ARHGAP39: variants seen among roughly 807,000 people sequenced by gnomAD.
ARHGAP39 encodes rho GTPase-activating protein 39.
In ARHGAP39, 44 loss-of-function variants were observed where a neutral mutation model predicts 106.9. That is an observed-to-expected ratio of 0.41 (90% CI 0.32 to 0.53). The LOEUF (loss-of-function observed/expected upper bound fraction) is 0.53, where lower values mean the gene tolerates loss of function less well. ARHGAP39 is among the 20% of genes least tolerant of loss of function. The pLI is 0.21. For missense variants in ARHGAP39, 1,496 were observed against 1,577.3 expected (o/e 0.95, Z 0.87); for synonymous variants, 768 against 693.2 (o/e 1.11, Z -1.69).
intron 1 of ARHGAP39, among the ~76,000 whole-genome samples, chr8:144,606,900 T>C (rs904267713): frequency 3.3e-5 from 5 of 151,794 alleles, no homozygotes; most frequent in Non-Finnish European, 7.4e-5. Flanking sequence ...CACAAATATC[T>C]TAATTGGACA....
At chr8:144,668,005 A>G (rs533624283) in intron 1 of ARHGAP39, among the ~76,000 whole-genome samples, 9 of 150,760 alleles carry the variant, frequency 6.0e-5, no homozygotes, top group African/African-American at 2.0e-4. Flanking sequence ...TGCTTCATGG[A>G]ATTGTGTTCA....
At chr8:144,542,464 G>A (rs972432794) in intron 6 of ARHGAP39, among the ~76,000 whole-genome samples, 10 of 152,150 alleles carry the variant, frequency 6.6e-5, no homozygotes, top group African/African-American at 2.2e-4. Flanking sequence ...TCCTCACCGA[G>A]GGTCCCTAGG....
At chr8:144,592,883 C>T (rs188459155) in intron 2 of ARHGAP39, among the ~76,000 whole-genome samples, 100 of 152,248 alleles carry the variant, frequency 6.6e-4, no homozygotes, top group African/African-American at 2.1e-3. Flanking sequence ...CTGCACAGGG[C>T]GAGGTGGGGA....
At chr8:144,631,935 G>A (rs1364133809) in intron 1 of ARHGAP39, among the ~76,000 whole-genome samples, 1 of 152,162 alleles carries the variant, frequency 6.6e-6, no homozygotes, top group African/African-American at 2.4e-5. Context: ...CTGGGCCTCC[G>A]TATCTCAGCT....
chr8:144,550,162 T>C (rs1193077727), intron 4 of ARHGAP39, among the ~76,000 whole-genome samples: 2 of 152,030 alleles, frequency 1.3e-5, no homozygotes, highest in Non-Finnish European at 2.9e-5. Flanking sequence ...TAGTCCCAGC[T>C]ACTCAGGAAG....
At chr8:144,682,971 C>T (rs769607591) in intron 1 of ARHGAP39, among the ~76,000 whole-genome samples, 9 of 150,740 alleles carry the variant, frequency 6.0e-5, no homozygotes, top group Non-Finnish European at 8.9e-5. Flanking sequence ...GAGCCATGAT[C>T]GCACCACTGC....
At chr8:144,636,831 T>C (rs749790673) in intron 1 of ARHGAP39, among the ~76,000 whole-genome samples, 11 of 152,198 alleles carry the variant, frequency 7.2e-5, no homozygotes, top group Non-Finnish European at 1.3e-4. Flanking sequence ...CCTGAGGCCT[T>C]TGATAGTTTC....
In ARHGAP39 at chr8:144,684,295, C is replaced by G. The variant is rs1000246222; in HGVS notation, c.-82+1391G>C. 3.9e-5 allele frequency among the ~76,000 whole-genome samples: 6 copies of G among 152,254 alleles called. No homozygotes were observed. The highest frequency in any genetic ancestry group is 7.3e-5 in the Non-Finnish European group (5 of 68,040). ...ACAGCCACACCTCCTATCAAATCGC[C>G]TTTCCCTCCCCCGGCGCGAGAATCG... On this transcript the variant is annotated intron_variant, in intron 1 of 11. Coordinates refer to ENST00000377307, the MANE Select transcript of ARHGAP39 (RefSeq NM_025251.3). This position sits in a 1 kb window ranked among gnomAD's most constrained non-coding sequence, Gnocchi z 4.4.
At chr8:144,605,744 C>T in intron 1 of ARHGAP39, 49 bp from the exon 2 acceptor site, 1 of 848,164 alleles carries the variant, frequency 1.2e-6, no homozygotes, top group Non-Finnish European at 1.9e-6. Flanking sequence ...CGCCTCACCA[C>T]ACCAATCACC....
the ARHGAP39 span, among the ~76,000 whole-genome samples, chr8:144,696,854 A>C: frequency 6.6e-6 from 1 of 152,252 alleles, no homozygotes; most frequent in East Asian, 1.9e-4. Context: ...AGTAACCAAC[A>C]TTCTTTCTGT....
chr8:144,667,506 C>T (rs1365616880), intron 1 of ARHGAP39, among the ~76,000 whole-genome samples: 3 of 152,238 alleles, frequency 2.0e-5, no homozygotes, highest in Non-Finnish European at 4.4e-5. Context: ...AGAACATAAG[C>T]TCCAAGAGAG....
Position 144,530,323 on chromosome 8 carries a change from C to A in ARHGAP39, c.*99G>T. 1.0e-5 allele frequency: 14 copies of A among 1,344,774 alleles called. No individual in the cohort carries two copies. The highest frequency in any genetic ancestry group is 1.4e-5 in the Non-Finnish European group (14 of 987,390). 83.3% of individuals were successfully genotyped at this position (1,344,774 alleles called of 1,614,324 possible). ...TGGGGGAGTGGAGGGGGCTCCAGGGCTGGGCCGGGCGATTCTGGCCCCTCT... is the reference window on the plus strand; with the variant it reads ...TGGGGGAGTGGAGGGGGCTCCAGGGATGGGCCGGGCGATTCTGGCCCCTCT... On this transcript the variant is annotated 3_prime_UTR_variant, in exon 12 of 12. Coordinates refer to ENST00000377307, the MANE Select transcript of ARHGAP39 (RefSeq NM_025251.3).
chr8:144,616,742 G>A (rs1354869071), intron 1 of ARHGAP39, among the ~76,000 whole-genome samples: 1 of 152,240 alleles, frequency 6.6e-6, no homozygotes, highest in South Asian at 2.1e-4. Flanking sequence ...TGGGTCCCAC[G>A]AAGGACGGCG....
rs1044522600 is a variant in ARHGAP39, at chr8:144,645,825, C to T, written c.-82+39861G>A. Among the ~76,000 whole-genome samples the T allele has an allele frequency of 1.3e-5, 2 of 152,252 alleles. No homozygotes were observed. Among genetic ancestry groups the T allele is most frequent in the Admixed American group, 1.3e-4 (2 of 15,292 alleles). On this transcript the variant is annotated intron_variant, in intron 1 of 11. Transcript: ENST00000377307. This position sits in a 1 kb window ranked among gnomAD's most constrained non-coding sequence, Gnocchi z 4.4. The stretch of plus-strand genomic sequence containing the variant: ...AGGGGCTGCCTGAGCGAGGCCAGGG[C>T]TGCAGGGGGAGCTGGGGGCAGCAGG...
At chr8:144,687,217 ACCATTTCCCACCCCCGTGACCACACACTG>A (rs1362815137), upstream of ARHGAP39, among the ~76,000 whole-genome samples, 7 of 21,760 alleles carry the variant, frequency 3.2e-4, no homozygotes, top group East Asian at 7.3e-3. Context: ...ACTGGCGGCG[ACCATTTCCCACCCCCGTGACCACACACTG>A]GCGGTGAGCA....
intron 6 of ARHGAP39, 130 bp downstream of exon 6, chr8:144,545,119 G>T: frequency 1.2e-6 from 1 of 835,910 alleles, no homozygotes; most frequent in East Asian, 3.0e-5. Context: ...GGGCGTTTTG[G>T]GAGGTGTGTG....
At chr8:144,686,188 G>C (rs753696516), upstream of ARHGAP39, among the ~76,000 whole-genome samples, 4 of 152,116 alleles carry the variant, frequency 2.6e-5, no homozygotes, top group Non-Finnish European at 5.9e-5. Context: ...GGCTTCCCGA[G>C]TCTGAGATTT....
chr8:144,537,750 TTC>T lies in ARHGAP39; in HGVS notation c.2583_2584del (p.Lys862ThrfsTer6), dbSNP rs1294204383. On this transcript the variant is annotated frameshift_variant, in exon 7 of 12. Transcript: ENST00000377307. LOFTEE classifies it high-confidence loss of function. The stretch of plus-strand genomic sequence containing the variant: ...CGGCTCTTCAACATAAGGCTTGGGT[TTC>T]TTTCTCAATTTGGACTTCTTCTTAG... 6.2e-7 allele frequency: 1 copy of T among 1,614,118 alleles called. No homozygotes were observed.
chr8:144,632,446 G>A (rs1488838175), intron 1 of ARHGAP39, among the ~76,000 whole-genome samples: 2 of 152,222 alleles, frequency 1.3e-5, no homozygotes, highest in African/African-American at 4.8e-5. Context: ...CCTCTGCCTG[G>A]TGGCCTCAGC....
Sources: gnomAD v4.1 joint callset for allele counts (sites outside exome capture counted in the v4.1 genomes callset) on GRCh38, gnomAD v4.1.1 for gene constraint, Gnocchi (gnomAD v3.1) non-coding constraint, MANE v1.5 for transcripts, NCBI Gene and HGNC (gene_info 2026-07-23, HGNC 2026-07-21) for gene names.